The following ZDHHC21 variants were observed in gnomAD, a reference collection of about 807,000 sequenced individuals.
The protein encoded by ZDHHC21 is zDHHC palmitoyltransferase 21.
A neutral mutation model predicts 34.6 loss-of-function variants in ZDHHC21; 15 were observed. The ratio of observed to expected loss-of-function variants is 0.43; its 90% CI spans 0.29 to 0.67. The LOEUF (loss-of-function observed/expected upper bound fraction) is 0.67. Ranked by LOEUF, ZDHHC21 falls within the 30% of genes least tolerant of loss-of-function variation. The pLI is 0.14. For missense variants in ZDHHC21, 344 were observed against 327.7 expected, an observed-to-expected ratio of 1.05 and a Z score of -0.38; for synonymous variants, 142 against 101.8, an observed-to-expected ratio of 1.40 and a Z score of -2.38.
chr9:14,599,869 A>G, the ZDHHC21 span, among the ~76,000 whole-genome samples: 1 of 152,192 alleles, frequency 6.6e-6, no homozygotes, highest in Non-Finnish European at 1.5e-5. Flanking sequence ...ATCAATAAAC[A>G]TAATCCATCA....
At chr9:14,649,028 G>GGGACACTC (rs1300226737) in intron 7 of ZDHHC21, among the ~76,000 whole-genome samples, 1 of 151,752 alleles carries the variant, frequency 6.6e-6, no homozygotes, top group East Asian at 1.9e-4. Flanking sequence ...TTTGTTACAG[G>GGGACACTC]GGACACTCTT....
intron 8 of ZDHHC21, among the ~76,000 whole-genome samples, chr9:14,625,488 T>C (rs1288970490): frequency 2.6e-5 from 4 of 152,060 alleles, no homozygotes; most frequent in African/African-American, 4.8e-5. Flanking sequence ...TTTCTGACTG[T>C]ATAATCTAAA....
At chr9:14,652,084 A>T (rs1831330645) in intron 7 of ZDHHC21, among the ~76,000 whole-genome samples, 1 of 151,988 alleles carries the variant, frequency 6.6e-6, no homozygotes, top group Non-Finnish European at 1.5e-5. Context: ...TTCTCCAAAC[A>T]TCTCAAAGTT....
rs560205423 is a variant in ZDHHC21, at chr9:14,679,132, G to T, written c.-46+901C>A. 2.6e-5 allele frequency among the ~76,000 whole-genome samples: 4 copies of T among 152,168 alleles called. No individual in the cohort carries two copies. The South Asian group carries it at 8.3e-4, about 32-fold the overall frequency. The stretch of plus-strand genomic sequence containing the variant: ...ACACTTAAGATTGTTGCATGTCATG[G>T]TACGTAAATTTACCTTTAAGAATCT... On this transcript the variant is annotated intron_variant, in intron 3 of 9. Coordinates refer to ENST00000380916, the MANE Select transcript of ZDHHC21 (RefSeq NM_178566.6).
intron 5 of ZDHHC21, among the ~76,000 whole-genome samples, chr9:14,663,980 T>C (rs1399611773): frequency 6.6e-6 from 1 of 152,144 alleles, no homozygotes; most frequent in Non-Finnish European, 1.5e-5. Context: ...ATCCCAGTGT[T>C]AAAACTTTGA....
At chr9:14,659,397 T>C (rs1194155161) in intron 6 of ZDHHC21, among the ~76,000 whole-genome samples, 3 of 152,202 alleles carry the variant, frequency 2.0e-5, no homozygotes, top group Non-Finnish European at 4.4e-5. Context: ...CTACCCCTGG[T>C]TGCTGAAAAT....
chr9:14,678,143 T>G (rs62535388), intron 3 of ZDHHC21, among the ~76,000 whole-genome samples: 8,126 of 152,156 alleles, frequency 0.053, 281 homozygotes, highest in Admixed American at 0.11. Context: ...CACTCTCCAT[T>G]TGAAATTTTT....
At chr9:14,658,703 C>T in intron 7 of ZDHHC21, 46 bp downstream of exon 7, 1 of 1,550,728 alleles carries the variant, frequency 6.4e-7, no homozygotes, top group Non-Finnish European at 8.9e-7. Flanking sequence ...GATCTCCTGA[C>T]CTCGTGATCC....
At position 14,690,384 on chromosome 9, in the gene ZDHHC21, T is replaced by C. The variant is rs1469469467; in HGVS notation, c.-223A>G. On this transcript the variant is annotated splice_region_variant and 5_prime_UTR_variant, in exon 2 of 10. It removes an upstream start codon present in the reference 5' UTR. Transcript: ENST00000380916. ...CTGCAGTAAGTGAAAAAGTTCTTCA[T>C]TCTGTAATTACAGATAAAAAGCTTA... 1 of 456,062 alleles carries C rather than the reference T, an allele frequency of 2.2e-6. No individual in the cohort carries two copies. The highest frequency in any genetic ancestry group is 1.6e-5 in the South Asian group (1 of 64,358). The allele number at this position is 456,062 out of a possible 1,614,324, so 28.3% of individuals were successfully genotyped here.
intron 7 of ZDHHC21, among the ~76,000 whole-genome samples, chr9:14,658,307 T>A (rs978007207): frequency 6.6e-6 from 1 of 151,876 alleles, no homozygotes; most frequent in Non-Finnish European, 1.5e-5. Context: ...ACTTTCTCAA[T>A]CCCAATATAG....
intron 5 of ZDHHC21, among the ~76,000 whole-genome samples, chr9:14,671,810 T>C (rs183235413): frequency 3.9e-5 from 6 of 152,224 alleles, no homozygotes; most frequent in African/African-American, 1.4e-4. Context: ...GCATGTAAAT[T>C]ATACTCAATA....
chr9:14,625,061 C>T lies in ZDHHC21; in HGVS notation c.622-5379G>A, dbSNP rs1445570550. On this transcript the variant is annotated intron_variant, in intron 8 of 9. Transcript: ENST00000380916. ...GAAAGACTTTCATTTCACTTCTTAGCACCTCTGATTAGTATATGAACAGTA... is the reference window on the plus strand; with the variant it reads ...GAAAGACTTTCATTTCACTTCTTAGTACCTCTGATTAGTATATGAACAGTA... 2.0e-5 allele frequency among the ~76,000 whole-genome samples: 3 copies of T among 152,118 alleles called. No homozygotes were observed. In the East Asian group the frequency reaches 5.8e-4, roughly 29 times the overall value.
At chr9:14,599,247 C>T in the ZDHHC21 span, among the ~76,000 whole-genome samples, 59 of 152,222 alleles carry the variant, frequency 3.9e-4, no homozygotes, top group African/African-American at 1.3e-3. Context: ...CTGAGGTACC[C>T]GGCTCATCTC....
intron 5 of ZDHHC21, among the ~76,000 whole-genome samples, chr9:14,669,976 C>G (rs1399667868): frequency 6.7e-6 from 1 of 149,004 alleles, no homozygotes; most frequent in Non-Finnish European, 1.5e-5. Context: ...GCACAATGTG[C>G]ACATGTACCC....
At chr9:14,674,872 C>T (rs1017729161) in intron 3 of ZDHHC21, among the ~76,000 whole-genome samples, 4 of 151,942 alleles carry the variant, frequency 2.6e-5, no homozygotes, top group Admixed American at 6.6e-5. Context: ...CATGAGAGAA[C>T]GAGGGGTTGG....
intron 4 of ZDHHC21, among the ~76,000 whole-genome samples, chr9:14,673,859 C>T (rs969286891): frequency 3.9e-5 from 6 of 151,996 alleles, no homozygotes; most frequent in African/African-American, 1.4e-4. Flanking sequence ...ATTCTTAAAA[C>T]ATCTACATTT....
chr9:14,674,641 C>T (rs1480934133), intron 3 of ZDHHC21, among the ~76,000 whole-genome samples: 1 of 151,990 alleles, frequency 6.6e-6, no homozygotes, highest in Admixed American at 6.6e-5. Flanking sequence ...CTATGAACTG[C>T]TATCACAGGT....
chr9:14,664,578 A>G lies in ZDHHC21; in HGVS notation c.254-2252T>C, dbSNP rs1412474178. Among the ~76,000 whole-genome samples, 7 of 150,950 alleles carry G rather than the reference A, an allele frequency of 4.6e-5. 1 individual carries two copies. Among genetic ancestry groups the G allele is most frequent in the Non-Finnish European group, 7.4e-5 (5 of 67,652 alleles). On this transcript the variant is annotated intron_variant, in intron 5 of 9. Transcript: ENST00000380916. ...GCAGGGCACAGACAAACAAAAAGAC[A>G]GCAGTAACCTCCACAGACTTAAATG... is the stretch of plus-strand genomic sequence containing the variant.
chr9:14,648,658 T>C (rs756715900), intron 7 of ZDHHC21, among the ~76,000 whole-genome samples: 6 of 152,112 alleles, frequency 3.9e-5, no homozygotes, highest in Non-Finnish European at 7.4e-5. Context: ...TATTTGTTTA[T>C]TGCCTGTCTT....
Sources: gnomAD v4.1 joint callset for allele counts (sites outside exome capture counted in the v4.1 genomes callset) on GRCh38, gnomAD v4.1.1 for gene constraint, MANE v1.5 for transcripts, NCBI Gene and HGNC (gene_info 2026-07-23, HGNC 2026-07-21) for gene names.